CEP164: variants seen among roughly 807,000 people sequenced by gnomAD.
CEP164 encodes centrosomal protein of 164 kDa.
CEP164 carries 162 observed loss-of-function variants against 182.7 expected under a neutral mutation model. The ratio of observed to expected loss-of-function variants is 0.89; its 90% confidence interval spans 0.78 to 1.01. The LOEUF (loss-of-function observed/expected upper bound fraction) is 1.01. CEP164 is among the 50% of genes least tolerant of loss of function. CEP164 has a pLI of 0.00. For synonymous variants in CEP164, 661 were observed against 690.0 expected (o/e 0.96, Z 0.66); for missense variants, 1,735 against 1,790.4 (o/e 0.97, Z 0.56).
chr11:117,362,418 C>G lies in CEP164; in HGVS notation c.567C>G (p.Leu189=). ...LGELMLPSQG[L]KTSAYTKGLL... ...CTATTTTGAAGCCTTCACAGGGTCT[C>G]AAGACCTCTGCTTATACAAAGGGTC... Residue 189 remains leucine (L), a synonymous_variant, in exon 7 of 33, where the codon CTC becomes CTG. Coordinates refer to ENST00000278935, the MANE Select transcript of CEP164 (RefSeq NM_014956.5). 1 of 1,613,306 alleles carries G rather than the reference C, an allele frequency of 6.2e-7. No homozygotes were observed. Among genetic ancestry groups the G allele is most frequent in the Non-Finnish European group, 8.5e-7 (1 of 1,179,650 alleles).
chr11:117,395,166 A>G lies in CEP164; in HGVS notation c.2888A>G (p.Gln963Arg). The change falls in exon 23 of 33, where the codon CAG (glutamine) becomes CGG (arginine). Residue 963 changes from glutamine (Q) to arginine (R), a missense_variant. By Grantham distance (43) the Gln-to-Arg change is conservative. Transcript: ENST00000278935. ...RREKQQLLDVQRQVALKSEEA... is the reference protein window; with the variant it reads ...RREKQQLLDVRRQVALKSEEA... ...GAGAAGCAGCAGCTGCTTGATGTGCAGAGGCAGGTTGCTCTGAAGAGTGAG... is the reference window on the plus strand; with the variant it reads ...GAGAAGCAGCAGCTGCTTGATGTGCGGAGGCAGGTTGCTCTGAAGAGTGAG... The G allele has an allele frequency of 6.2e-7, 1 of 1,614,082 alleles. No individual in the cohort carries two copies. The highest frequency in any genetic ancestry group is 8.5e-7 in the Non-Finnish European group (1 of 1,180,026).
intron 19 of CEP164, 137 bp downstream of exon 19, chr11:117,392,764 T>G (rs1401638004): frequency 1.5e-6 from 2 of 1,319,842 alleles, no homozygotes; most frequent in Non-Finnish European, 2.1e-6. Context: ...AGTTCCCTTT[T>G]TATGCCTTAG....
rs1164386229 is a variant in CEP164, at chr11:117,356,658, G to T, written c.393+4670G>T. On this transcript the variant is annotated intron_variant, in intron 5 of 32. Coordinates refer to ENST00000278935, the MANE Select transcript of CEP164 (RefSeq NM_014956.5). The stretch of plus-strand genomic sequence containing the variant: ...AGCATGGCCTAAAGGCCTAAACTTG[G>T]CAGGGAGGGAGCAGGTGGAGTTGAT... 1.1e-5 allele frequency: 13 copies of T among 1,237,120 alleles called. No individual in the cohort carries two copies. The East Asian group carries it at 8.2e-4, about 78-fold the overall frequency. 76.6% of individuals were successfully genotyped at this position (1,237,120 alleles called of 1,614,324 possible). A position where few individuals can be genotyped will look rare whatever the true frequency, so the allele number is the denominator to read the frequency against.
chr11:117,387,046 T>C, intron 14 of CEP164, 157 bp from the exon 15 acceptor site: 4 of 669,798 alleles, frequency 6.0e-6, no homozygotes, highest in Non-Finnish European at 1.0e-5. Context: ...AAGCATTGAC[T>C]GTATCTCTTG....
At chr11:117,358,621 G>A (rs1474309033) in intron 5 of CEP164, among the ~76,000 whole-genome samples, 1 of 145,616 alleles carries the variant, frequency 6.9e-6, no homozygotes, top group Non-Finnish European at 1.5e-5. Context: ...GTAGCTCATT[G>A]CAGCCTTGAG....
Position 117,371,231 on chromosome 11 carries a change from C to T in CEP164, c.917C>T (p.Ala306Val). Reference sequence around the variant, plus strand: ...GGCAAAGGGCGACAGGGAAGTGGAGCAAGACCTGGTCTTCCAGAAAAAGAG... The same window carrying T: ...GGCAAAGGGCGACAGGGAAGTGGAGTAAGACCTGGTCTTCCAGAAAAAGAG... The part of the protein sequence containing the change: ...AVGKGRQGSG[A>V]RPGLPEKEEN... The change falls in exon 9 of 33, where the codon GCA becomes GTA. Residue 306 changes from alanine (A) to valine (V), a missense_variant. Ala to Val is a moderately conservative substitution (Grantham distance 64). Transcript: ENST00000278935. 1.2e-6 allele frequency: 2 copies of T among 1,614,230 alleles called. No individual in the cohort carries two copies. The highest frequency in any genetic ancestry group is 1.7e-6 in the Non-Finnish European group (2 of 1,180,046).
intron 27 of CEP164, among the ~76,000 whole-genome samples, chr11:117,405,712 C>T (rs985300792): frequency 3.9e-5 from 6 of 152,158 alleles, no homozygotes; most frequent in African/African-American, 1.4e-4. Context: ...TAACAGCACC[C>T]AAGTCACCTT....
chr11:117,338,488 C>T, intron 2 of CEP164, 78 bp from the exon 3 acceptor site: 1 of 1,047,882 alleles, frequency 9.5e-7, no homozygotes, highest in Non-Finnish European at 1.5e-6. Context: ...CCAGATGCTC[C>T]ATGACCCAGT....
intron 8 of CEP164, among the ~76,000 whole-genome samples, chr11:117,365,993 G>A (rs542307463): frequency 6.6e-6 from 1 of 152,284 alleles, no homozygotes; most frequent in African/African-American, 2.4e-5. Context: ...ACCCCAGTGT[G>A]ATGAGGGGAA....
chr11:117,326,269 G>A (rs924665391), upstream of CEP164, among the ~76,000 whole-genome samples: 2 of 151,554 alleles, frequency 1.3e-5, no homozygotes, highest in African/African-American at 4.9e-5. Flanking sequence ...TGTCACCCAG[G>A]CTGGACTGGA....
chr11:117,382,879 A>T lies in CEP164; in HGVS notation c.1661A>T (p.Glu554Val). Reference sequence around the variant, plus strand: ...GCCGAGGAGCTGGGCCCTGGGCAGGAAGAGGCAGAGGATCCTGAGGAGAAG... The same window carrying T: ...GCCGAGGAGCTGGGCCCTGGGCAGGTAGAGGCAGAGGATCCTGAGGAGAAG... ...SQAEELGPGQ[E>V]EAEDPEEKVA... is the part of the protein sequence containing the mutation. Residue 554 changes from glutamate to valine, a missense_variant, in exon 14 of 33, where the codon GAA becomes GTA. Glu to Val is a moderately radical substitution (Grantham distance 121). Transcript: ENST00000278935. The T allele has an allele frequency of 6.2e-7, 1 of 1,614,086 alleles. No individual in the cohort carries two copies. The highest frequency in any genetic ancestry group is 1.1e-5 in the South Asian group (1 of 91,078).
At chr11:117,368,798 G>A (rs545020086) in intron 8 of CEP164, among the ~76,000 whole-genome samples, 2 of 152,332 alleles carry the variant, frequency 1.3e-5, no homozygotes, top group African/African-American at 4.8e-5. Flanking sequence ...TTGAAGAGGA[G>A]AAGTTTGTCT....
At chr11:117,354,585 C>G (rs965479496) in intron 5 of CEP164, among the ~76,000 whole-genome samples, 1 of 152,080 alleles carries the variant, frequency 6.6e-6, no homozygotes, top group Non-Finnish European at 1.5e-5. Flanking sequence ...TTCCATGGAG[C>G]AAGGTTTGCA....
chr11:117,370,924 A>T lies in CEP164; in HGVS notation c.766-156A>T, dbSNP rs185771659. On this transcript the variant is annotated intron_variant, in intron 8 of 32. Coordinates refer to ENST00000278935, the MANE Select transcript of CEP164 (RefSeq NM_014956.5). ...AGACTCTGTCTCAAAAAAATAAAAA[A>T]AAAAATTAACAACTGGGTGATTGAT... Among the ~76,000 whole-genome samples the T allele has an allele frequency of 2.0e-5, 3 of 152,140 alleles. No individual in the cohort carries two copies. The East Asian group carries it at 5.8e-4, about 29-fold the overall frequency.
Position 117,387,333 on chromosome 11 carries a change from C to T in CEP164, c.1855C>T (p.Gln619Ter). Residue 619 changes from glutamine (Q) to a stop codon, truncating the protein, a stop_gained, in exon 15 of 33, where the codon CAG becomes TAG. Coordinates refer to ENST00000278935, the MANE Select transcript of CEP164 (RefSeq NM_014956.5). LOFTEE classifies it high-confidence loss of function. ...GCTGGAATCCAAGCAAGAGAAGATG[C>T]AGCAACTGCGGGAGAAGCTGTGCCA... ...HLLESKQEKM[Q>*]QLREKLCQEE... 6.2e-7 allele frequency: 1 copy of T among 1,614,184 alleles called. No homozygotes were observed. Among genetic ancestry groups the T allele is most frequent in the Non-Finnish European group, 8.5e-7 (1 of 1,180,030 alleles).
At chr11:117,338,742 T>A (rs2037599522) in intron 3 of CEP164, 74 bp downstream of exon 3, 6 of 1,217,922 alleles carry the variant, frequency 4.9e-6, no homozygotes, top group South Asian at 4.9e-5. Context: ...GGTTTATTTT[T>A]ATTCTTTCAG....
At chr11:117,346,111 G>A (rs1166655260) in intron 4 of CEP164, among the ~76,000 whole-genome samples, 1 of 152,184 alleles carries the variant, frequency 6.6e-6, no homozygotes, top group East Asian at 1.9e-4. Flanking sequence ...TGAATTTATA[G>A]GAGTGGCTTC....
intron 27 of CEP164, among the ~76,000 whole-genome samples, chr11:117,400,770 T>C (rs2046044069): frequency 1.3e-5 from 2 of 152,234 alleles, no homozygotes; most frequent in African/African-American, 4.8e-5. Context: ...AGTTCACTCA[T>C]GCTTTGGCTC....
chr11:117,395,920 T>C, intron 24 of CEP164, 134 bp from the exon 25 acceptor site: 1 of 1,309,002 alleles, frequency 7.6e-7, no homozygotes, highest in Non-Finnish European at 1.1e-6. Context: ...TCTGGTGCTA[T>C]TGTTCGTGCC....
Sources: gnomAD v4.1 joint callset for allele counts (sites outside exome capture counted in the v4.1 genomes callset) on GRCh38, gnomAD v4.1.1 for gene constraint, MANE v1.5 for transcripts, NCBI Gene and HGNC (gene_info 2026-07-23, HGNC 2026-07-21) for gene names.